The following RBM17 variants were observed in gnomAD, a reference collection of about 807,000 sequenced individuals.
The protein encoded by RBM17 is splicing factor 45.
RBM17 carries 7 observed loss-of-function variants against 53.2 expected under a neutral mutation model. The ratio of observed to expected loss-of-function variants is 0.13; its 90% CI spans 0.07 to 0.25. RBM17 has a LOEUF of 0.25. Ranked by LOEUF, RBM17 falls within the 10% of genes least tolerant of loss-of-function variation. The pLI is 1.00. For synonymous variants in RBM17, 167 were observed against 178.1 expected (o/e 0.94, Z 0.50); for missense variants, 257 against 496.7 (o/e 0.52, Z 4.59).
chr10:6,108,988 A>G (rs764255165), intron 6 of RBM17, among the ~76,000 whole-genome samples: 14 of 152,152 alleles, frequency 9.2e-5, no homozygotes, highest in Non-Finnish European at 1.5e-4. Context: ...TTTTTATGCA[A>G]TTCACTTTGA....
At position 6,116,934 on chromosome 10, in the gene RBM17, T is replaced by C. The variant is rs1482839660; in HGVS notation, c.*1378T>C. The C allele has an allele frequency of 6.6e-6, 1 of 152,346 alleles. No homozygotes were observed. The highest frequency in any genetic ancestry group is 2.4e-5 in the African/African-American group (1 of 41,446). The allele number at this position is 152,346 out of a possible 1,614,324, so 9.4% of individuals were successfully genotyped here. A position where few individuals can be genotyped will look rare whatever the true frequency, so the allele number is the denominator to read the frequency against. On this transcript the variant is annotated 3_prime_UTR_variant, in exon 12 of 12. Transcript: ENST00000379888. ...GTTAAGGAATGTGAGGTAAATTACA[T>C]AATTGAACATTGTGGAAGACAGAAT...
intron 1 of RBM17, among the ~76,000 whole-genome samples, chr10:6,091,200 A>G (rs1381281005): frequency 1.3e-5 from 2 of 151,506 alleles, no homozygotes; most frequent in African/African-American, 2.4e-5. Context: ...CTGGAATTAC[A>G]GGCGCTCGCA....
At chr10:6,098,577 T>G (rs984521255) in intron 2 of RBM17, among the ~76,000 whole-genome samples, 8 of 125,034 alleles carry the variant, frequency 6.4e-5, no homozygotes, top group South Asian at 2.9e-4. Flanking sequence ...TTTTTTTTTT[T>G]TTTTTTTTTT....
intron 7 of RBM17, among the ~76,000 whole-genome samples, 160 bp downstream of exon 7, chr10:6,110,287 G>T (rs1355353749): frequency 1.3e-5 from 2 of 152,330 alleles, no homozygotes; most frequent in African/African-American, 4.8e-5. Flanking sequence ...GTGTTCCAGT[G>T]TAATGATGGG....
At chr10:6,096,268 C>G (rs904725221) in intron 1 of RBM17, among the ~76,000 whole-genome samples, 16 of 152,062 alleles carry the variant, frequency 1.1e-4, no homozygotes, top group Non-Finnish European at 2.2e-4. Context: ...CCGCTGTGGC[C>G]TTGGGCAGAT....
In RBM17 at chr10:6,116,047, C is replaced by T. The variant is rs1016759367; in HGVS notation, c.*491C>T. 2.0e-5 allele frequency: 3 copies of T among 152,408 alleles called. No individual in the cohort carries two copies. Among genetic ancestry groups the T allele is most frequent in the Admixed American group, 6.5e-5 (1 of 15,284 alleles). The allele number at this position is 152,408 out of a possible 1,614,324, so 9.4% of individuals were successfully genotyped here. A position where few individuals can be genotyped will look rare whatever the true frequency, so the allele number is the denominator to read the frequency against. ...GCCAAAGGTGAAAATGATGCTTTCT[C>T]TAACAGAGAAATTCTTAGTGACTCC... On this transcript the variant is annotated 3_prime_UTR_variant, in exon 12 of 12. Coordinates refer to ENST00000379888, the MANE Select transcript of RBM17 (RefSeq NM_032905.5).
intron 1 of RBM17, among the ~76,000 whole-genome samples, chr10:6,093,889 T>A (rs1840527672): frequency 6.6e-6 from 1 of 152,146 alleles, no homozygotes; most frequent in Admixed American, 6.5e-5. Context: ...ATATATGTCA[T>A]ACTTTTAATA....
chr10:6,107,945 C>G (rs905731358), intron 5 of RBM17, among the ~76,000 whole-genome samples: 7 of 151,922 alleles, frequency 4.6e-5, no homozygotes, highest in African/African-American at 1.5e-4. Context: ...GGACTTATGC[C>G]TAATGCAAAA....
chr10:6,090,870 AAT>A lies in RBM17; in HGVS notation c.-19+1678_-19+1679del, dbSNP rs544196389. On this transcript the variant is annotated intron_variant, in intron 1 of 11. Transcript: ENST00000379888. ...GGAGGTATGGGAAAAATTTTTTTTT[AAT>A]TCTTTAGAAAGTCATGGTAGATCTT... 3.0e-3 allele frequency among the ~76,000 whole-genome samples: 449 copies of A among 151,602 alleles called. 4 individuals carry two copies. Among genetic ancestry groups the A allele is most frequent in the Non-Finnish European group, 5.1e-3 (344 of 67,936 alleles).
At position 6,115,514 on chromosome 10, in the gene RBM17, T is replaced by C; in HGVS notation, c.1164T>C (p.Asn388=). The C allele has an allele frequency of 6.2e-7, 1 of 1,613,904 alleles. No individual in the cohort carries two copies. The highest frequency in any genetic ancestry group is 2.2e-5 in the East Asian group (1 of 44,876). ...GGGTGGTAAAAGCATGTTTCTACAA[T>C]TTGGACAAATTCAGGGTCTTGGATT... ...GGRVVKACFY[N]LDKFRVLDLA... The change falls in exon 12 of 12, where the codon AAT becomes AAC. Residue 388 remains asparagine, a synonymous_variant. Coordinates refer to ENST00000379888, the MANE Select transcript of RBM17 (RefSeq NM_032905.5).
chr10:6,089,278 C>T lies in RBM17; in HGVS notation c.-19+85C>T, dbSNP rs1353138473. 6.6e-6 allele frequency: 1 copy of T among 151,986 alleles called. No individual in the cohort carries two copies. The highest frequency in any genetic ancestry group is 1.5e-5 in the Non-Finnish European group (1 of 67,998). 9.4% of individuals were successfully genotyped at this position (151,986 alleles called of 1,614,324 possible). A position where few individuals can be genotyped will look rare whatever the true frequency, so the allele number is the denominator to read the frequency against. On this transcript the variant is annotated intron_variant, in intron 1 of 11. Coordinates refer to ENST00000379888, the MANE Select transcript of RBM17 (RefSeq NM_032905.5). This position sits in a 1 kb window ranked among gnomAD's most constrained non-coding sequence, Gnocchi z 5.6. ...CTTCCCGGGAGGCGCTAGACGCAAG[C>T]CCGCGGCTTTAGGCCCGTCGCGAGG...
intron 10 of RBM17, chr10:6,114,808 T>G (rs900730632): frequency 1.4e-4 from 23 of 165,800 alleles, no homozygotes; most frequent in Non-Finnish European, 1.9e-4. Context: ...TTAGCAGAAG[T>G]GCTTAGGTGG....
chr10:6,091,149 C>A (rs1840478991), intron 1 of RBM17, among the ~76,000 whole-genome samples: 1 of 151,770 alleles, frequency 6.6e-6, no homozygotes, highest in South Asian at 2.1e-4. Flanking sequence ...ACCTCCACTT[C>A]CCAGGTTCAA....
chr10:6,099,602 G>A (rs1378950124), intron 2 of RBM17, among the ~76,000 whole-genome samples: 4 of 152,062 alleles, frequency 2.6e-5, no homozygotes, highest in Non-Finnish European at 5.9e-5. Flanking sequence ...CTAACACAAT[G>A]TAAATGCTGT....
intron 7 of RBM17, among the ~76,000 whole-genome samples, chr10:6,111,408 C>T (rs1322298685): frequency 6.6e-6 from 1 of 152,206 alleles, no homozygotes; most frequent in Non-Finnish European, 1.5e-5. Context: ...GGTGCGATCT[C>T]GCCTCACTGC....
intron 3 of RBM17, among the ~76,000 whole-genome samples, chr10:6,102,228 C>T (rs528897145): frequency 3.0e-4 from 46 of 152,302 alleles, no homozygotes; most frequent in Non-Finnish European, 5.4e-4. Context: ...ATAGTGCTAT[C>T]GAGACAGTTT....
Position 6,115,578 on chromosome 10 carries a change from T to A in RBM17, c.*22T>A, listed in dbSNP as rs753036509. 34 of 1,398,958 alleles carry A rather than the reference T, an allele frequency of 2.4e-5. No individual in the cohort carries two copies. In the Admixed American group the frequency reaches 3.2e-4, roughly 13 times the overall value. 86.7% of individuals were successfully genotyped at this position (1,398,958 alleles called of 1,614,324 possible). The stretch of plus-strand genomic sequence containing the variant: ...TTGATTTTAAGAACTAGAGCACGAG[T>A]CATCTCCGGTGATCCTTAAATGAAC... On this transcript the variant is annotated 3_prime_UTR_variant, in exon 12 of 12. Coordinates refer to ENST00000379888, the MANE Select transcript of RBM17 (RefSeq NM_032905.5).
intron 1 of RBM17, 84 bp from the exon 2 acceptor site, chr10:6,096,964 C>T: frequency 1.4e-6 from 2 of 1,385,656 alleles, no homozygotes; most frequent in South Asian, 1.4e-5. Flanking sequence ...CCTTTTACCT[C>T]TAAAATTTCA....
intron 1 of RBM17, among the ~76,000 whole-genome samples, chr10:6,090,871 A>G (rs1018137498): frequency 6.6e-6 from 1 of 150,684 alleles, no homozygotes; most frequent in Non-Finnish European, 1.5e-5. Flanking sequence ...TTTTTTTTTA[A>G]TTCTTTAGAA....
Sources: allele counts gnomAD v4.1 joint callset (sites outside exome capture counted in the v4.1 genomes callset), GRCh38; gene constraint gnomAD v4.1.1; non-coding constraint Gnocchi (gnomAD v3.1); transcripts MANE v1.5; gene names NCBI Gene and HGNC (gene_info 2026-07-23, HGNC 2026-07-21).